FHL2: variants seen among roughly 807,000 people sequenced by gnomAD.
FHL2 encodes the protein four and a half LIM domains 2, also known as four and a half LIM domains protein 2.
In FHL2, 20 loss-of-function variants were observed where a neutral mutation model predicts 32.7. That is an observed-to-expected ratio of 0.61 (90% CI 0.43 to 0.89). FHL2 has a LOEUF of 0.89. Among genes scored for constraint, FHL2 ranks in the 40% least tolerant of loss-of-function variants. The probability of loss-of-function intolerance (pLI) is 0.00; values close to 1 mark genes in which losing one functional copy is unlikely to be tolerated. For synonymous variants in FHL2, 123 were observed against 128.1 expected (o/e 0.96, Z 0.27); for missense variants, 311 against 358.6 (o/e 0.87, Z 1.07).
chr2:105,361,811 A>C (rs1680285648), intron 6 of FHL2, among the ~76,000 whole-genome samples: 2 of 152,172 alleles, frequency 1.3e-5, no homozygotes, highest in Non-Finnish European at 2.9e-5. Context: ...TGACTTAATG[A>C]TTGAAGCAGT....
chr2:105,417,004 T>G (rs1027049545), intron 1 of FHL2, among the ~76,000 whole-genome samples: 1 of 152,222 alleles, frequency 6.6e-6, no homozygotes, highest in Non-Finnish European at 1.5e-5. Context: ...ACTGCACAAC[T>G]TCCTTTCCTC....
rs754663221 is a variant in FHL2, at chr2:105,363,484, G to T, written c.502-13C>A. On this transcript the variant is annotated splice_polypyrimidine_tract_variant and intron_variant, in intron 5 of 6. Transcript: ENST00000530340. ...CCGTGGTGATGGGCTGCAGGGACGA[G>T]GGGGAGAGTTAGTGTGGCCTCTGTG... 2 of 1,595,558 alleles carry T rather than the reference G, an allele frequency of 1.3e-6. No individual in the cohort carries two copies. Among genetic ancestry groups the T allele is most frequent in the East Asian group, 2.3e-5 (1 of 44,258 alleles).
chr2:105,411,051 AT>A (rs1683773810), intron 1 of FHL2, among the ~76,000 whole-genome samples: 1 of 152,162 alleles, frequency 6.6e-6, no homozygotes, highest in South Asian at 2.1e-4. Context: ...TCTTTGTGAA[AT>A]TTGAAGGGGA....
At chr2:105,422,510 T>C (rs1684134368) in intron 1 of FHL2, among the ~76,000 whole-genome samples, 1 of 152,176 alleles carries the variant, frequency 6.6e-6, no homozygotes, top group African/African-American at 2.4e-5. Context: ...TTTTTCATTA[T>C]AGGATTATAG....
intron 5 of FHL2, among the ~76,000 whole-genome samples, chr2:105,367,168 C>CT (rs1680696458): frequency 6.6e-6 from 1 of 152,226 alleles, no homozygotes; most frequent in South Asian, 2.1e-4. Context: ...TCTCTCCTCC[C>CT]TTCCTCTCCT....
chr2:105,404,808 T>C (rs148341627), intron 1 of FHL2, among the ~76,000 whole-genome samples: 1 of 152,358 alleles, frequency 6.6e-6, no homozygotes, highest in East Asian at 1.9e-4. Context: ...ACAATTTCCA[T>C]ATCCCATTTC....
At chr2:105,411,804 A>C (rs1683801712) in intron 1 of FHL2, among the ~76,000 whole-genome samples, 1 of 151,872 alleles carries the variant, frequency 6.6e-6, no homozygotes, top group African/African-American at 2.4e-5. Flanking sequence ...CCTGGGCAAC[A>C]GAGCAAGACT....
At chr2:105,399,331 G>A (rs763537023), upstream of FHL2, 1 of 1,535,898 alleles carries the variant, frequency 6.5e-7, no homozygotes, top group East Asian at 2.4e-5. Flanking sequence ...TTCGGACGAG[G>A]CCTGGGCGCG....
chr2:105,399,718 C>T, upstream of FHL2: 8 of 1,224,824 alleles, frequency 6.5e-6, no homozygotes, highest in Non-Finnish European at 8.8e-6. Context: ...CTGCGTGACG[C>T]TGACGCTGGG....
intron 1 of FHL2, among the ~76,000 whole-genome samples, chr2:105,415,061 T>C (rs142833715): frequency 9.5e-4 from 145 of 152,370 alleles, no homozygotes; most frequent in African/African-American, 3.2e-3. Context: ...CAAACGCAGA[T>C]GTATACAGAT....
chr2:105,384,385 A>C (rs749251273), intron 3 of FHL2, among the ~76,000 whole-genome samples: 7 of 152,234 alleles, frequency 4.6e-5, no homozygotes, highest in Non-Finnish European at 8.8e-5. Flanking sequence ...GGAAGTAGTC[A>C]GCAGAAAGGT....
intron 3 of FHL2, chr2:105,375,421 A>C (rs767822409): frequency 1.3e-5 from 2 of 152,208 alleles, no homozygotes; most frequent in African/African-American, 2.4e-5. Context: ...AGAATGAAGG[A>C]GAGGTCAGGA....
At chr2:105,435,432 A>G (rs1684580374) in intron 1 of FHL2, among the ~76,000 whole-genome samples, 1 of 152,200 alleles carries the variant, frequency 6.6e-6, no homozygotes, top group Non-Finnish European at 1.5e-5. Context: ...ATACCTTGAA[A>G]TTACTCTAGA....
intron 1 of FHL2, among the ~76,000 whole-genome samples, chr2:105,404,521 G>C (rs1683567787): frequency 6.6e-6 from 1 of 152,158 alleles, no homozygotes; most frequent in South Asian, 2.1e-4. Flanking sequence ...GATCCAGCAG[G>C]GAAGTCTATG....
chr2:105,388,448 A>G (rs1233524106), intron 2 of FHL2, among the ~76,000 whole-genome samples: 2 of 152,190 alleles, frequency 1.3e-5, no homozygotes, highest in Non-Finnish European at 1.5e-5. Context: ...GCCATAGGGC[A>G]TTAAAAACAC....
intron 1 of FHL2, among the ~76,000 whole-genome samples, chr2:105,424,895 T>C (rs1684212124): frequency 6.6e-6 from 1 of 152,104 alleles, no homozygotes; most frequent in Non-Finnish European, 1.5e-5. Flanking sequence ...GGGAGAGGGA[T>C]AGCATTAGGA....
At chr2:105,365,213 C>G (rs1258276681) in intron 5 of FHL2, among the ~76,000 whole-genome samples, 2 of 152,212 alleles carry the variant, frequency 1.3e-5, no homozygotes, top group African/African-American at 4.8e-5. Context: ...ACACTCTGCT[C>G]TTCTCCTCCA....
At chr2:105,367,450 C>T (rs767470002) in intron 5 of FHL2, 120 bp downstream of exon 5, 1 of 1,013,578 alleles carries the variant, frequency 9.9e-7, no homozygotes. Context: ...AGGACAGGCA[C>T]AGCTCCCACG....
intron 1 of FHL2, among the ~76,000 whole-genome samples, chr2:105,435,917 T>A (rs1346660819): frequency 6.6e-6 from 1 of 152,208 alleles, no homozygotes; most frequent in Non-Finnish European, 1.5e-5. Context: ...CTGCTCCTCC[T>A]TAATAAAACA....
Sources: allele counts gnomAD v4.1 joint callset (sites outside exome capture counted in the v4.1 genomes callset), GRCh38; gene constraint gnomAD v4.1.1; transcripts MANE v1.5; gene names NCBI Gene and HGNC (gene_info 2026-07-23, HGNC 2026-07-21).